ZNF582: variants seen among roughly 807,000 people sequenced by gnomAD.
The protein encoded by ZNF582 is zinc finger protein 582.
Under a neutral mutation model 12.3 loss-of-function variants are expected in ZNF582, and 14 were observed. The observed-to-expected ratio is 1.14, with a 90% CI of 0.75 to 1.78. ZNF582 has a LOEUF of 1.78. Among genes scored for constraint, ZNF582 ranks in the 40% most tolerant of loss-of-function variants. ZNF582 has a pLI of 0.00. For synonymous variants in ZNF582, 210 were observed against 207.2 expected (o/e 1.01, Z -0.11); for missense variants, 567 against 616.5 (o/e 0.92, Z 0.85).
At chr19:56,384,211 C>A (rs561806581) in exon 5 of ZNF582, 2 of 1,611,082 alleles carry the variant, frequency 1.2e-6, no homozygotes, top group Admixed American at 3.4e-5. Context: ...GTTTGAAGGC[C>A]CTACCACATA....
chr19:56,390,951 G>C (rs968924639), intron 2 of ZNF582, among the ~76,000 whole-genome samples: 1 of 152,096 alleles, frequency 6.6e-6, no homozygotes, highest in Non-Finnish European at 1.5e-5. Flanking sequence ...CTTAGATACA[G>C]GATTTTCATG....
exon 5 of ZNF582, chr19:56,383,045 A>T (rs2041930704): frequency 6.6e-6 from 1 of 152,180 alleles, no homozygotes; most frequent in South Asian, 2.1e-4. Context: ...ACACTGGGAG[A>T]TACTGGCCAT....
intron 4 of ZNF582, among the ~76,000 whole-genome samples, chr19:56,387,064 C>T (rs992524131): frequency 6.6e-6 from 1 of 152,160 alleles, no homozygotes; most frequent in Non-Finnish European, 1.5e-5. Context: ...TGTTGCTATA[C>T]TGGTATATAA....
At chr19:56,388,968 G>A (rs1490488754) in intron 4 of ZNF582, among the ~76,000 whole-genome samples, 2 of 152,070 alleles carry the variant, frequency 1.3e-5, no homozygotes, top group East Asian at 3.9e-4. Context: ...AGCCACAAGG[G>A]CCATCCATTA....
At chr19:56,383,160 G>C (rs1362633155) in exon 5 of ZNF582, 1 of 152,162 alleles carries the variant, frequency 6.6e-6, no homozygotes, top group East Asian at 1.9e-4. Flanking sequence ...TGGCTGCTGG[G>C]ATGACAACCA....
rs2041948418 is a variant in ZNF582 at position 56,384,594 on chromosome 19, G to GC, written c.822dup (p.Arg275AlafsTer12). 1 of 1,613,690 alleles carries GC rather than the reference G, an allele frequency of 6.2e-7. No homozygotes were observed. The highest frequency in any genetic ancestry group is 8.5e-7 in the Non-Finnish European group (1 of 1,179,952). On this transcript the variant is annotated frameshift_variant, in exon 5 of 5. Transcript: ENST00000586929. LOFTEE classifies it low-confidence loss of function (END_TRUNC). Reference sequence around the variant, plus strand: ...TAGGGTTTCTCGCCTGTGTGAGTTCGCTGATGTTCAATCAACTGTGAGCTT... The same window carrying GC: ...TAGGGTTTCTCGCCTGTGTGAGTTCGCCTGATGTTCAATCAACTGTGAGCTT...
rs1201746895 is a variant in ZNF582 at position 56,393,201 on chromosome 19, G to C, written c.-81+19C>G. ...AAACATCCGCAATTTCAGGGGGTCG[G>C]AGACCCCTGCGCACCCACCTAAGGG... On this transcript the variant is annotated intron_variant, in intron 1 of 4. Transcript: ENST00000586929. 7.1e-6 allele frequency: 9 copies of C among 1,265,562 alleles called. No individual in the cohort carries two copies. Among genetic ancestry groups the C allele is most frequent in the African/African-American group, 6.3e-5 (4 of 63,682 alleles). 78.4% of individuals were successfully genotyped at this position (1,265,562 alleles called of 1,614,324 possible).
exon 5 of ZNF582, chr19:56,384,709 G>C (rs1234050282): frequency 6.2e-7 from 1 of 1,611,524 alleles, no homozygotes; most frequent in African/African-American, 1.3e-5. Flanking sequence ...AACCAGAATT[G>C]AAGGCCTTTC....
intron 3 of ZNF582, 113 bp from the exon 4 acceptor site, chr19:56,390,209 TG>T (rs1324809299): frequency 3.7e-6 from 5 of 1,342,220 alleles, no homozygotes; most frequent in Admixed American, 1.8e-5. Flanking sequence ...CAGAGGAAGA[TG>T]GGACAGTTGC....
chr19:56,391,413 A>T (rs957832893), intron 2 of ZNF582, among the ~76,000 whole-genome samples: 2 of 152,114 alleles, frequency 1.3e-5, no homozygotes, highest in African/African-American at 4.8e-5. Flanking sequence ...GAAACCAACC[A>T]ACACCACCTC....
At chr19:56,387,881 T>C (rs1449766281) in intron 4 of ZNF582, among the ~76,000 whole-genome samples, 1 of 152,256 alleles carries the variant, frequency 6.6e-6, no homozygotes, top group Non-Finnish European at 1.5e-5. Context: ...GCTTCTCCTT[T>C]TAGAAACATA....
exon 5 of ZNF582, chr19:56,384,070 C>T (rs2041941140): frequency 1.2e-6 from 2 of 1,610,616 alleles, no homozygotes; most frequent in Non-Finnish European, 1.7e-6. Context: ...ATTCATAGGG[C>T]TTTTTCTCAG....
chr19:56,389,194 G>A (rs1469210572), intron 4 of ZNF582, among the ~76,000 whole-genome samples: 1 of 152,160 alleles, frequency 6.6e-6, no homozygotes, highest in East Asian at 1.9e-4. Flanking sequence ...TTTTCCCACT[G>A]CAGTGTAAGT....
At chr19:56,387,679 C>T (rs1369136606) in intron 4 of ZNF582, 1 of 152,156 alleles carries the variant, frequency 6.6e-6, no homozygotes, top group Non-Finnish European at 1.5e-5. Context: ...TATACTACAA[C>T]CTCAAACTCC....
chr19:56,390,258 G>T, intron 3 of ZNF582, 117 bp downstream of exon 3: 2 of 1,505,448 alleles, frequency 1.3e-6, no homozygotes, highest in African/African-American at 1.4e-5. Context: ...CGACAGCGCC[G>T]CCCTTTAACC....
chr19:56,388,814 G>C (rs2041991932), intron 4 of ZNF582, among the ~76,000 whole-genome samples: 1 of 152,064 alleles, frequency 6.6e-6, no homozygotes, highest in Non-Finnish European at 1.5e-5. Flanking sequence ...TGTGATTTTA[G>C]TCGGGACGAG....
rs973730826 is a variant in ZNF582, at chr19:56,385,199, A to G, written c.233-15T>C. On this transcript the variant is annotated splice_polypyrimidine_tract_variant and intron_variant, in intron 4 of 4. Coordinates refer to ENST00000586929, the Ensembl canonical transcript of ZNF582. ...GGACTCCAATACTAAGAATGAAAAA[A>G]AGCGAATATGTTTGGCTTCTTTTTT... 6.4e-7 allele frequency: 1 copy of G among 1,555,186 alleles called. No individual in the cohort carries two copies. Among genetic ancestry groups the G allele is most frequent in the African/African-American group, 1.4e-5 (1 of 72,564 alleles).
chr19:56,391,832 G>T (rs1221701260), exon 2 of ZNF582: 1 of 1,613,668 alleles, frequency 6.2e-7, no homozygotes, highest in South Asian at 1.1e-5. Flanking sequence ...CGACGGTAGA[G>T]CTGGGGGAGG....
intron 2 of ZNF582, among the ~76,000 whole-genome samples, 159 bp from the exon 3 acceptor site, chr19:56,390,660 C>T (rs973883337): frequency 3.9e-5 from 6 of 152,098 alleles, no homozygotes; most frequent in African/African-American, 1.2e-4. Context: ...ATGAGTAAAA[C>T]AGAATGATCA....
Sources: allele counts gnomAD v4.1 joint callset (sites outside exome capture counted in the v4.1 genomes callset), GRCh38; gene constraint gnomAD v4.1.1; transcripts MANE v1.5; gene names NCBI Gene and HGNC (gene_info 2026-07-23, HGNC 2026-07-21).